COL13A1: variants seen among roughly 807,000 people sequenced by gnomAD.
COL13A1 encodes the protein collagen alpha-1(XIII) chain.
Under a neutral mutation model 130.9 loss-of-function variants are expected in COL13A1, and 89 were observed. That is an observed-to-expected ratio of 0.68 (90% confidence interval 0.57 to 0.81). The LOEUF is 0.81. COL13A1 is among the 30% of genes least tolerant of loss of function. The pLI is 0.00. For missense variants in COL13A1, 879 were observed against 934.6 expected (o/e 0.94, Z 0.78); for synonymous variants, 402 against 341.6 (o/e 1.18, Z -1.95).
chr10:69,815,921 G>A (rs909243022), intron 1 of COL13A1, among the ~76,000 whole-genome samples: 1 of 151,650 alleles, frequency 6.6e-6, no homozygotes, highest in East Asian at 1.9e-4. Flanking sequence ...ATAAAACAAA[G>A]TGGTGTGCTG....
intron 17 of COL13A1, 74 bp from the exon 18 acceptor site, chr10:69,917,215 C>G: frequency 6.3e-7 from 1 of 1,582,364 alleles, no homozygotes; most frequent in Non-Finnish European, 8.6e-7. Flanking sequence ...ACAAGACATT[C>G]TCACCGACAT....
Position 69,823,048 on chromosome 10 carries a change from G to A in COL13A1, c.364+610G>A, listed in dbSNP as rs570185275. Reference sequence around the variant, plus strand: ...TAATCTAGAACAAAAATCTGCTTTCGCCACTTACTAGCTCTGTATGGGTGG... The same window carrying A: ...TAATCTAGAACAAAAATCTGCTTTCACCACTTACTAGCTCTGTATGGGTGG... On this transcript the variant is annotated intron_variant, in intron 2 of 40. Coordinates refer to ENST00000645393, the MANE Select transcript of COL13A1 (RefSeq NM_001368882.1). Among the ~76,000 whole-genome samples the A allele has an allele frequency of 9.2e-5, 14 of 152,274 alleles. No individual in the cohort carries two copies. In the East Asian group the frequency reaches 2.1e-3, roughly 23 times the overall value.
intron 17 of COL13A1, among the ~76,000 whole-genome samples, chr10:69,906,036 G>T (rs2062719365): frequency 6.6e-6 from 1 of 152,226 alleles, no homozygotes; most frequent in Non-Finnish European, 1.5e-5. Context: ...GCTGAGCCAG[G>T]ATGTAGGACA....
chr10:69,943,503 G>A (rs1183204425), intron 35 of COL13A1, among the ~76,000 whole-genome samples: 2 of 152,082 alleles, frequency 1.3e-5, no homozygotes, highest in African/African-American at 2.4e-5. Context: ...GGCTAGCAGA[G>A]CTCATGACAC....
intron 17 of COL13A1, among the ~76,000 whole-genome samples, chr10:69,914,053 A>C (rs942536075): frequency 6.6e-6 from 1 of 152,136 alleles, no homozygotes; most frequent in African/African-American, 2.4e-5. Flanking sequence ...ACACACTCAC[A>C]TCAACAGGGG....
At chr10:69,940,335 C>G (rs552953789) in intron 34 of COL13A1, among the ~76,000 whole-genome samples, 1 of 152,180 alleles carries the variant, frequency 6.6e-6, no homozygotes. Context: ...ATGAATGGAT[C>G]GAGTTTAGGT....
At chr10:69,898,857 T>C in intron 14 of COL13A1, 95 bp downstream of exon 14, 1 of 923,356 alleles carries the variant, frequency 1.1e-6, no homozygotes, top group South Asian at 1.8e-5. Flanking sequence ...CTCTCTCTAA[T>C]TCAGTGAAAT....
chr10:69,928,060 G>A lies in COL13A1; in HGVS notation c.1423-877G>A, dbSNP rs573580626. Reference sequence around the variant, plus strand: ...CCAGCTACTCAGTAGGCTGAGGAACGAGAATCACTTGAACCCGGGAGGCGG... The same window carrying A: ...CCAGCTACTCAGTAGGCTGAGGAACAAGAATCACTTGAACCCGGGAGGCGG... On this transcript the variant is annotated intron_variant, in intron 27 of 40. Transcript: ENST00000645393. Among the ~76,000 whole-genome samples, 4 of 152,268 alleles carry A rather than the reference G, an allele frequency of 2.6e-5. No homozygotes were observed. The South Asian group carries it at 6.2e-4, about 24-fold the overall frequency.
In COL13A1 at chr10:69,910,742, C is replaced by T. The variant is rs538486349; in HGVS notation, c.921+4920C>T. 1.2e-4 allele frequency among the ~76,000 whole-genome samples: 19 copies of T among 152,328 alleles called. 1 individual carries two copies. Among genetic ancestry groups the T allele is most frequent in the East Asian group, 9.6e-4 (5 of 5,182 alleles). On this transcript the variant is annotated intron_variant, in intron 17 of 40. Transcript: ENST00000645393. The stretch of plus-strand genomic sequence containing the variant: ...TTTAAATATGTTGCAAGATGCAAAG[C>T]GTGTTTAAAACATTACAACCTTGGC...
chr10:69,851,829 A>G (rs1318714768), intron 2 of COL13A1, among the ~76,000 whole-genome samples: 1 of 151,922 alleles, frequency 6.6e-6, no homozygotes, highest in Non-Finnish European at 1.5e-5. Context: ...TAGTTTTTGT[A>G]TTTTTAGTAG....
At chr10:69,867,194 G>A (rs922795988) in intron 2 of COL13A1, among the ~76,000 whole-genome samples, 2 of 152,230 alleles carry the variant, frequency 1.3e-5, no homozygotes, top group Non-Finnish European at 2.9e-5. Flanking sequence ...GGAGGAGGGT[G>A]GGGCCGGAGC....
intron 2 of COL13A1, among the ~76,000 whole-genome samples, chr10:69,841,709 G>GA (rs1851645261): frequency 1.3e-5 from 2 of 152,106 alleles, no homozygotes; most frequent in South Asian, 4.2e-4. Flanking sequence ...TGAGAAACTA[G>GA]AAAAAAAATC....
chr10:69,936,162 AAGG>A (rs1198403611), intron 32 of COL13A1, among the ~76,000 whole-genome samples: 1 of 6,844 alleles, frequency 1.5e-4, no homozygotes, highest in Non-Finnish European at 3.8e-4. Flanking sequence ...GGAAGGAAGG[AAGG>A]AAGGAAGGAA....
At position 69,878,080 on chromosome 10, in the gene COL13A1, T is replaced by A. The variant is rs1235128581; in HGVS notation, c.462+15T>A. 8.5e-6 allele frequency: 6 copies of A among 702,836 alleles called. No individual in the cohort carries two copies. In the East Asian group the frequency reaches 1.6e-4, roughly 19 times the overall value. 43.5% of individuals were successfully genotyped at this position (702,836 alleles called of 1,614,324 possible). A position where few individuals can be genotyped will look rare whatever the true frequency, so the allele number is the denominator to read the frequency against. ...CAGGCGAGAAGGTGAGTCCACACTT[T>A]CCCCTTCTGCCCTGCACCCAGCCTC... On this transcript the variant is annotated intron_variant, in intron 6 of 40. Transcript: ENST00000645393.
At position 69,916,430 on chromosome 10, in the gene COL13A1, C is replaced by T. The variant is rs553445674; in HGVS notation, c.922-859C>T. Among the ~76,000 whole-genome samples, 29 of 152,300 alleles carry T rather than the reference C, an allele frequency of 1.9e-4. 1 individual carries two copies. In the South Asian group the frequency reaches 4.8e-3, roughly 25 times the overall value. On this transcript the variant is annotated intron_variant, in intron 17 of 40. Coordinates refer to ENST00000645393, the MANE Select transcript of COL13A1 (RefSeq NM_001368882.1). Reference sequence around the variant, plus strand: ...ACTGCATAGGATTCAACTCCCAGAGCCAGGAGCTGCCCTCCCCACTCCCCT... The same window carrying T: ...ACTGCATAGGATTCAACTCCCAGAGTCAGGAGCTGCCCTCCCCACTCCCCT...
intron 2 of COL13A1, among the ~76,000 whole-genome samples, chr10:69,836,103 TC>T (rs1325199780): frequency 1.3e-5 from 2 of 152,202 alleles, no homozygotes; most frequent in Non-Finnish European, 2.9e-5. Context: ...TATCTCTCTC[TC>T]TCACTCCCTC....
chr10:69,838,050 G>A (rs540041965), intron 2 of COL13A1, among the ~76,000 whole-genome samples: 1 of 152,326 alleles, frequency 6.6e-6, no homozygotes, highest in East Asian at 1.9e-4. Context: ...AGGGCCCTGT[G>A]GGTTGGTCAC....
At chr10:69,914,262 C>T (rs1213669041) in intron 17 of COL13A1, among the ~76,000 whole-genome samples, 2 of 152,130 alleles carry the variant, frequency 1.3e-5, no homozygotes, top group African/African-American at 2.4e-5. Flanking sequence ...CATTTTTAAC[C>T]AAAGCTAAGA....
intron 14 of COL13A1, among the ~76,000 whole-genome samples, chr10:69,901,863 G>A (rs548614317): frequency 2.6e-5 from 4 of 152,280 alleles, no homozygotes; most frequent in Middle Eastern, 3.4e-3. Flanking sequence ...GTGGGAAGGC[G>A]GGCTCAGAGC....
Sources: allele counts gnomAD v4.1 joint callset (sites outside exome capture counted in the v4.1 genomes callset), GRCh38; gene constraint gnomAD v4.1.1; transcripts MANE v1.5; gene names NCBI Gene and HGNC (gene_info 2026-07-23, HGNC 2026-07-21).